The following AFG2A variants were observed in gnomAD, a reference collection of about 807,000 sequenced individuals.
The protein encoded by AFG2A is AAA ATPase AFG2A, also known as ATPase family gene 2 protein homolog A.
chr4:123,184,761 C>T, the AFG2A span, among the ~76,000 whole-genome samples: 2 of 151,684 alleles, frequency 1.3e-5, no homozygotes, highest in African/African-American at 2.4e-5. Context: ...TGGTCTCGAT[C>T]TCCTGACCTC....
chr4:123,124,441 G>A, the AFG2A span, among the ~76,000 whole-genome samples: 2 of 152,220 alleles, frequency 1.3e-5, no homozygotes, highest in South Asian at 4.2e-4. Context: ...TGAACAATGA[G>A]AACACTTGAA....
At chr4:123,069,853 GTCTTAACAA>G in the AFG2A span, among the ~76,000 whole-genome samples, 1 of 152,130 alleles carries the variant, frequency 6.6e-6, no homozygotes, top group African/African-American at 2.4e-5. Context: ...AATTACCAAT[GTCTTAACAA>G]TCTCCTAGTA....
the AFG2A span, among the ~76,000 whole-genome samples, chr4:123,220,057 G>T: frequency 0.089 from 13,559 of 151,874 alleles, 2,040 homozygotes; most frequent in African/African-American, 0.31. Context: ...TTTTAGTAGA[G>T]ACGGGGTTTC....
chr4:123,034,410 C>T, the AFG2A span, among the ~76,000 whole-genome samples: 6 of 151,728 alleles, frequency 4.0e-5, no homozygotes, highest in South Asian at 2.1e-4. Context: ...GGCAAACCCA[C>T]GTTAAAAGAC....
chr4:123,213,582 G>A, the AFG2A span, among the ~76,000 whole-genome samples: 1 of 152,142 alleles, frequency 6.6e-6, no homozygotes, highest in African/African-American at 2.4e-5. Flanking sequence ...TGAAGTCAGT[G>A]AATATTAAAT....
the AFG2A span, among the ~76,000 whole-genome samples, chr4:123,173,237 C>T: frequency 6.6e-6 from 1 of 151,472 alleles, no homozygotes; most frequent in Admixed American, 6.6e-5. Context: ...CTTGTACAAC[C>T]CTAATTCCAA....
chr4:123,014,778 T>C, the AFG2A span, among the ~76,000 whole-genome samples: 9 of 152,226 alleles, frequency 5.9e-5, no homozygotes, highest in African/African-American at 1.9e-4. Context: ...TTATTAAATA[T>C]GACATCTATG....
chr4:122,995,782 C>T, the AFG2A span, among the ~76,000 whole-genome samples: 4 of 152,126 alleles, frequency 2.6e-5, no homozygotes, highest in Admixed American at 1.3e-4. Context: ...CATTATGCTA[C>T]GCTTCTTTGT....
At chr4:123,159,988 A>G in the AFG2A span, among the ~76,000 whole-genome samples, 1 of 152,148 alleles carries the variant, frequency 6.6e-6, no homozygotes, top group Admixed American at 6.5e-5. Context: ...ATGGGTGTGA[A>G]TAATTATGGT....
the AFG2A span, chr4:123,256,222 G>A: frequency 1.3e-4 from 202 of 1,597,924 alleles, no homozygotes; most frequent in Admixed American, 1.5e-4. Flanking sequence ...GGAGGAAAGC[G>A]GTGGCTCAGG....
chr4:122,929,681 A>G, the AFG2A span, among the ~76,000 whole-genome samples: 1 of 148,250 alleles, frequency 6.7e-6, no homozygotes, highest in Non-Finnish European at 1.5e-5. Flanking sequence ...CCTGGGTGAC[A>G]GAGTGAGACT....
At chr4:123,134,695 A>G in the AFG2A span, among the ~76,000 whole-genome samples, 143 of 151,984 alleles carry the variant, frequency 9.4e-4, 1 homozygote, top group Non-Finnish European at 1.7e-3. Context: ...AACATTTAAC[A>G]TAACAAAACT....
the AFG2A span, among the ~76,000 whole-genome samples, chr4:122,951,433 T>TACACACACACACACAC: frequency 6.6e-3 from 976 of 148,590 alleles, 13 homozygotes; most frequent in African/African-American, 0.022. Context: ...TTTTCCAAAG[T>TACACACACACACACAC]ACACACACAC....
chr4:122,942,832 G>A, the AFG2A span, among the ~76,000 whole-genome samples: 2 of 150,504 alleles, frequency 1.3e-5, no homozygotes, highest in African/African-American at 4.9e-5. Flanking sequence ...CTGGTATGTT[G>A]TGTCTTTGTT....
At chr4:123,180,123 G>A in the AFG2A span, among the ~76,000 whole-genome samples, 2 of 152,106 alleles carry the variant, frequency 1.3e-5, no homozygotes, top group African/African-American at 4.8e-5. Flanking sequence ...GGCAGAGTGA[G>A]GCACGAGAAT....
At chr4:122,956,371 G>A in the AFG2A span, among the ~76,000 whole-genome samples, 3 of 152,176 alleles carry the variant, frequency 2.0e-5, no homozygotes, top group Admixed American at 1.3e-4. Context: ...GCCTCAGAGC[G>A]AGTATCCAGC....
At chr4:123,023,657 T>C in the AFG2A span, among the ~76,000 whole-genome samples, 1 of 152,288 alleles carries the variant, frequency 6.6e-6, no homozygotes, top group South Asian at 2.1e-4. Context: ...TGCTCAGAGT[T>C]GTCCAATCTT....
the AFG2A span, among the ~76,000 whole-genome samples, chr4:122,943,590 G>C: frequency 1.3e-5 from 2 of 151,802 alleles, no homozygotes; most frequent in African/African-American, 4.9e-5. Context: ...TCTTTATCCA[G>C]TTTGCCAGTC....
At chr4:123,309,415 G>A in the AFG2A span, among the ~76,000 whole-genome samples, 1 of 152,100 alleles carries the variant, frequency 6.6e-6, no homozygotes, top group South Asian at 2.1e-4. Context: ...TTTTATAGGG[G>A]TACTAATTCT....
Sources: allele counts gnomAD v4.1 joint callset (sites outside exome capture counted in the v4.1 genomes callset), GRCh38; gene constraint gnomAD v4.1.1; transcripts MANE v1.5; gene names NCBI Gene and HGNC (gene_info 2026-07-23, HGNC 2026-07-21).